The following DIAPH2 variants were observed in gnomAD, a reference collection of about 807,000 sequenced individuals.
DIAPH2 encodes protein diaphanous homolog 2.
In DIAPH2, 35 loss-of-function variants were observed where a neutral mutation model predicts 92.7. That is an observed-to-expected ratio of 0.38 (90% CI 0.29 to 0.50). The LOEUF (loss-of-function observed/expected upper bound fraction) is 0.50. Ranked by LOEUF, DIAPH2 falls within the 20% of genes least tolerant of loss-of-function variation. DIAPH2 has a pLI of 0.94. For synonymous variants in DIAPH2, 301 were observed against 280.4 expected (o/e 1.07, Z -0.73); for missense variants, 701 against 819.5 (o/e 0.86, Z 1.77).
intron 22 of DIAPH2, among the ~76,000 whole-genome samples, chrX:97,192,665 A>T (rs150715304): frequency 1.5e-3 from 167 of 111,822 alleles, no homozygotes; most frequent in African/African-American, 4.6e-3. Flanking sequence ...TTTCATGATA[A>T]AATATCCTAC....
chrX:96,984,596 A>G (rs1267003313), intron 17 of DIAPH2, among the ~76,000 whole-genome samples: 1 of 111,544 alleles, frequency 9.0e-6, no homozygotes, highest in Non-Finnish European at 1.9e-5. Context: ...ATTGCTGGTC[A>G]GGGTCCAATG....
intron 23 of DIAPH2, among the ~76,000 whole-genome samples, chrX:97,315,813 T>C (rs1291851187): frequency 4.5e-5 from 5 of 111,421 alleles, no homozygotes; most frequent in Admixed American, 9.7e-5. Context: ...AATTTTGATC[T>C]TCATTTTGAG....
At chrX:97,116,169 C>T (rs2067015349) in intron 21 of DIAPH2, among the ~76,000 whole-genome samples, 2 of 111,893 alleles carry the variant, frequency 1.8e-5, no homozygotes, top group South Asian at 3.7e-4. Flanking sequence ...TATACATGGA[C>T]TAGCACTTTG....
chrX:97,533,816 T>A (rs140707147), intron 26 of DIAPH2, among the ~76,000 whole-genome samples: 1,550 of 111,912 alleles, frequency 0.014, 27 homozygotes, highest in African/African-American at 0.047. Flanking sequence ...TCATCTTGTA[T>A]TAATTTCTTT....
intron 22 of DIAPH2, among the ~76,000 whole-genome samples, chrX:97,225,838 A>T (rs1292254338): frequency 8.9e-6 from 1 of 112,170 alleles, no homozygotes; most frequent in Non-Finnish European, 1.9e-5. Context: ...TAGTACACAG[A>T]CTATCTGCAA....
chrX:97,515,399 C>T lies in DIAPH2; in HGVS notation c.3242-83854C>T, dbSNP rs963678135. Among the ~76,000 whole-genome samples, 5 of 112,337 alleles carry T rather than the reference C, an allele frequency of 4.5e-5. No homozygotes were observed. The South Asian group carries it at 1.9e-3, about 42-fold the overall frequency. On this transcript the variant is annotated intron_variant, in intron 26 of 26. Transcript: ENST00000324765. ...CACGGTGCGCGCACCCACTGTCCTG[C>T]GCCCACTGTCTGGCACTCCCTAGTG...
intron 17 of DIAPH2, among the ~76,000 whole-genome samples, chrX:97,032,499 G>C (rs1407988919): frequency 1.8e-5 from 2 of 110,029 alleles, no homozygotes; most frequent in Middle Eastern, 4.7e-3. Flanking sequence ...CCAGATCTTT[G>C]AACTGATCAG....
At chrX:97,196,804 G>C (rs775306707) in intron 22 of DIAPH2, among the ~76,000 whole-genome samples, 18 of 81,172 alleles carry the variant, frequency 2.2e-4, no homozygotes, top group Non-Finnish European at 4.1e-4. Context: ...TTTTTTTTTT[G>C]AGATGGAGTT....
At chrX:96,925,790 CAT>C (rs2065577115) in intron 9 of DIAPH2, among the ~76,000 whole-genome samples, 1 of 111,703 alleles carries the variant, frequency 9.0e-6, no homozygotes, top group Non-Finnish European at 1.9e-5. Flanking sequence ...CACCCTTCTA[CAT>C]ATGTTTTTAG....
chrX:97,260,117 A>G lies in DIAPH2; in HGVS notation c.2844+12278A>G, dbSNP rs1279282168. 6.2e-5 allele frequency among the ~76,000 whole-genome samples: 7 copies of G among 112,887 alleles called. No individual in the cohort carries two copies. The East Asian group carries it at 2.0e-3, about 31-fold the overall frequency. On this transcript the variant is annotated intron_variant, in intron 23 of 26. Coordinates refer to ENST00000324765, the MANE Select transcript of DIAPH2 (RefSeq NM_006729.5). ...AATGCTGGGATTACAGGCCTGAGCC[A>G]CCACACCCAGCCACATATTAAGTCT...
intron 4 of DIAPH2, among the ~76,000 whole-genome samples, chrX:96,874,818 C>T (rs1217324261): frequency 2.7e-5 from 3 of 111,744 alleles, no homozygotes; most frequent in Non-Finnish European, 5.7e-5. Context: ...TTCCTCTATA[C>T]TCTATTGGTT....
chrX:96,753,030 G>T (rs2064203525), intron 3 of DIAPH2, among the ~76,000 whole-genome samples: 1 of 111,429 alleles, frequency 9.0e-6, no homozygotes, highest in Non-Finnish European at 1.9e-5. Flanking sequence ...AAAACTGAAT[G>T]GGTACACGGT....
chrX:97,380,345 C>T (rs1176480176), intron 24 of DIAPH2, among the ~76,000 whole-genome samples: 1 of 110,923 alleles, frequency 9.0e-6, no homozygotes, highest in Non-Finnish European at 1.9e-5. Flanking sequence ...CATTTCCAAC[C>T]CTGAGAAATA....
intron 5 of DIAPH2, among the ~76,000 whole-genome samples, chrX:96,893,739 A>G (rs769136497): frequency 3.5e-4 from 39 of 112,279 alleles, no homozygotes; most frequent in Non-Finnish European, 9.4e-5. Context: ...TGGACTGTCT[A>G]TCATCTCAGC....
chrX:97,066,042 A>T (rs184047096), intron 17 of DIAPH2, among the ~76,000 whole-genome samples: 1 of 112,431 alleles, frequency 8.9e-6, no homozygotes, highest in East Asian at 2.8e-4. Flanking sequence ...AAAAAAACAA[A>T]AAGTTTATAA....
intron 4 of DIAPH2, among the ~76,000 whole-genome samples, chrX:96,763,581 G>T: frequency 9.0e-6 from 1 of 111,607 alleles, no homozygotes; most frequent in East Asian, 2.8e-4. Flanking sequence ...TGTCTTTGTT[G>T]TATGCTACTA....
chrX:97,414,408 T>G (rs1460583683), intron 25 of DIAPH2, among the ~76,000 whole-genome samples: 1 of 111,375 alleles, frequency 9.0e-6, no homozygotes. Flanking sequence ...CCCAGCACTT[T>G]TGGAGGCCAA....
chrX:96,949,768 G>C (rs1488278824), intron 15 of DIAPH2, among the ~76,000 whole-genome samples: 1 of 106,218 alleles, frequency 9.4e-6, no homozygotes, highest in African/African-American at 3.4e-5. Context: ...GCTGAGGCAG[G>C]AGAATGGTGT....
chrX:96,818,700 A>G (rs140343078), intron 4 of DIAPH2, among the ~76,000 whole-genome samples: 1,154 of 111,703 alleles, frequency 0.01, 10 homozygotes, highest in Non-Finnish European at 0.016. Flanking sequence ...TAACATCCCT[A>G]CCCCCAAAGA....
Sources: allele counts gnomAD v4.1 joint callset (sites outside exome capture counted in the v4.1 genomes callset), GRCh38; gene constraint gnomAD v4.1.1; transcripts MANE v1.5; gene names NCBI Gene and HGNC (gene_info 2026-07-23, HGNC 2026-07-21).